Variants in SLC28A2 observed in about 807,000 individuals in gnomAD.
The protein encoded by SLC28A2 is solute carrier family 28 member 2.
In SLC28A2, 69 loss-of-function variants were observed where a neutral mutation model predicts 72.9. That is an observed-to-expected ratio of 0.95 (90% CI 0.78 to 1.16). SLC28A2 has a LOEUF of 1.16. Ranked by LOEUF, SLC28A2 falls within the 50% of genes most tolerant of loss-of-function variation. SLC28A2 has a pLI of 0.00. For synonymous variants in SLC28A2, 296 were observed against 294.1 expected (o/e 1.01, Z -0.07); for missense variants, 745 against 791.1 (o/e 0.94, Z 0.70).
In SLC28A2 at chr15:45,267,672, G is replaced by A. The variant is rs867414560; in HGVS notation, c.1075G>A (p.Ala359Thr). The change falls in exon 12 of 18, where the codon GCA becomes ACA. Residue 359 changes from alanine (A) to threonine (T), a missense_variant. Ala to Thr is a moderately conservative substitution (Grantham distance 58). Coordinates refer to ENST00000347644, the MANE Select transcript of SLC28A2 (RefSeq NM_004212.4). ...LGAFIAFGVD[A>T]SSLISASVMA... ...TAAGTCTGGCGCCTCACAGGTTGAT[G>A]CATCATCCCTGATTTCTGCCTCTGT... 6.2e-6 allele frequency: 10 copies of A among 1,613,984 alleles called. No homozygotes were observed. In the African/African-American group the frequency reaches 1.3e-4, roughly 22 times the overall value.
chr15:45,269,260 G>T, intron 13 of SLC28A2, 78 bp from the exon 14 acceptor site: 1 of 1,185,890 alleles, frequency 8.4e-7, no homozygotes, highest in East Asian at 2.3e-5. Context: ...TTGGGCCAAG[G>T]CTCCAGAGAA....
chr15:45,270,849 G>C (rs971913033), intron 15 of SLC28A2, among the ~76,000 whole-genome samples: 1 of 152,204 alleles, frequency 6.6e-6, no homozygotes, highest in Middle Eastern at 3.4e-3. Context: ...TGTTGGCCAA[G>C]CTGGTCTTGA....
chr15:45,261,793 G>T (rs1439621470), intron 3 of SLC28A2, among the ~76,000 whole-genome samples: 1 of 152,214 alleles, frequency 6.6e-6, no homozygotes, highest in Non-Finnish European at 1.5e-5. Flanking sequence ...GATATTGCTA[G>T]TTCGGGCTGA....
intron 9 of SLC28A2, 29 bp downstream of exon 9, chr15:45,265,692 G>A: frequency 1.4e-6 from 2 of 1,438,846 alleles, no homozygotes; most frequent in South Asian, 1.1e-5. Flanking sequence ...CCAGTCAGGA[G>A]ACAGGCCTTC....
At position 45,269,520 on chromosome 15, in the gene SLC28A2, G is replaced by GAA; in HGVS notation, c.1553_1554dup (p.Gln519AsnfsTer6). 6.2e-7 allele frequency: 1 copy of GAA among 1,613,838 alleles called. No homozygotes were observed. The highest frequency in any genetic ancestry group is 8.5e-7 in the Non-Finnish European group (1 of 1,179,734). On this transcript the variant is annotated frameshift_variant, in exon 14 of 18. Coordinates refer to ENST00000347644, the MANE Select transcript of SLC28A2 (RefSeq NM_004212.4). LOFTEE classifies it high-confidence loss of function. Reference sequence around the variant, plus strand: ...GAATGGAGGAGTGGATTGAGGGAGAGAAACAGTGGATTTCTGTAAGTGACA... The same window carrying GAA: ...GAATGGAGGAGTGGATTGAGGGAGAGAAAAACAGTGGATTTCTGTAAGTGACA...
intron 3 of SLC28A2, among the ~76,000 whole-genome samples, chr15:45,261,288 G>A (rs1182927646): frequency 2.0e-5 from 3 of 152,186 alleles, no homozygotes; most frequent in African/African-American, 7.2e-5. Flanking sequence ...TGAAGCCAGA[G>A]TGTATATTCT....
intron 4 of SLC28A2, among the ~76,000 whole-genome samples, chr15:45,262,605 G>C (rs1900196602): frequency 6.6e-6 from 1 of 152,186 alleles, no homozygotes; most frequent in South Asian, 2.1e-4. Flanking sequence ...ATGAGTAAGA[G>C]AGCCATGGGA....
chr15:45,263,933 A>G lies in SLC28A2; in HGVS notation c.499A>G (p.Thr167Ala). Residue 167 changes from threonine (T) to alanine (A), a missense_variant, in exon 6 of 18, where the codon ACA (threonine) becomes GCA (alanine). Thr to Ala is a moderately conservative substitution (Grantham distance 58, BLOSUM62 0). Coordinates refer to ENST00000347644, the MANE Select transcript of SLC28A2 (RefSeq NM_004212.4). ...CCTTATACTGTGGTTGGCTTTAGAC[A>G]CAGCCCAAAGGCCAGAGCAGCTGAT... Reference protein sequence around the residue: ...VGLILWLALDTAQRPEQLIPF... With the variant: ...VGLILWLALDAAQRPEQLIPF... The G allele has an allele frequency of 6.2e-7, 1 of 1,613,662 alleles. No homozygotes were observed. Among genetic ancestry groups the G allele is most frequent in the South Asian group, 1.1e-5 (1 of 90,896 alleles).
rs1044172813 is a variant in SLC28A2 at position 45,276,700 on chromosome 15, T to C, written c.*1187T>C. 165 of 152,180 alleles carry C rather than the reference T, an allele frequency of 1.1e-3. No homozygotes were observed. Among genetic ancestry groups the C allele is most frequent in the African/African-American group, 3.8e-3 (159 of 41,442 alleles). The allele number at this position is 152,180 out of a possible 1,614,324, so 9.4% of individuals were successfully genotyped here. ...TGGGACGGGGGAGAAGCTACATTTA[T>C]TGGCATTGTGGATGAGCTGGATTTA... On this transcript the variant is annotated 3_prime_UTR_variant, in exon 18 of 18. Transcript: ENST00000347644.
rs917533710 is a variant in SLC28A2, at chr15:45,277,334, A to G, written c.*1821A>G. 5 of 152,046 alleles carry G rather than the reference A, an allele frequency of 3.3e-5. No individual in the cohort carries two copies. Among genetic ancestry groups the G allele is most frequent in the Non-Finnish European group, 7.4e-5 (5 of 68,012 alleles). 9.4% of individuals were successfully genotyped at this position (152,046 alleles called of 1,614,324 possible). A position where few individuals can be genotyped will look rare whatever the true frequency, so the allele number is the denominator to read the frequency against. On this transcript the variant is annotated 3_prime_UTR_variant, in exon 18 of 18. Coordinates refer to ENST00000347644, the MANE Select transcript of SLC28A2 (RefSeq NM_004212.4). ...GCCCCACAATTCCACTCCTACATAC[A>G]CATTCAAAAGAATCAAAACTAAGTT...
chr15:45,257,671 G>A (rs919470525), intron 3 of SLC28A2, among the ~76,000 whole-genome samples: 2 of 152,094 alleles, frequency 1.3e-5, no homozygotes, highest in Non-Finnish European at 1.5e-5. Flanking sequence ...GGGGTGCTTT[G>A]TAGGGAGTAA....
At chr15:45,269,953 G>A (rs1900494101) in intron 14 of SLC28A2, among the ~76,000 whole-genome samples, 1 of 152,050 alleles carries the variant, frequency 6.6e-6, no homozygotes, top group African/African-American at 2.4e-5. Context: ...CTCATTCCCA[G>A]GCCTTCTCGT....
At chr15:45,265,410 T>C (rs578032911) in intron 8 of SLC28A2, among the ~76,000 whole-genome samples, 173 bp from the exon 9 acceptor site, 1 of 152,360 alleles carries the variant, frequency 6.6e-6, no homozygotes, top group African/African-American at 2.4e-5. Context: ...GGTTTAGTAC[T>C]GGTGGGACAA....
At chr15:45,272,832 C>A in intron 17 of SLC28A2, 48 bp downstream of exon 17, 2 of 972,392 alleles carry the variant, frequency 2.1e-6, no homozygotes, top group South Asian at 1.3e-5. Flanking sequence ...GCCCTCAGGT[C>A]TCCACGGTAA....
chr15:45,265,549 A>T, intron 8 of SLC28A2, 34 bp from the exon 9 acceptor site: 1 of 1,455,230 alleles, frequency 6.9e-7, no homozygotes, highest in Non-Finnish European at 9.7e-7. Context: ...TATGCAATGT[A>T]ACATCTCACC....
In SLC28A2 at chr15:45,265,644, T is replaced by G; in HGVS notation, c.842T>G (p.Val281Gly). ...TCCATTCTCTACTACCTGGGCCTTG[T>G]GCAATGGGTAGTTCAGAAGGTGAGT... is the stretch of plus-strand genomic sequence containing the variant. ...VVSILYYLGLVQWVVQKVAWF... is the reference protein window; with the variant it reads ...VVSILYYLGLGQWVVQKVAWF... The change falls in exon 9 of 18, where the codon GTG (valine) becomes GGG (glycine). Residue 281 changes from valine to glycine, a missense_variant. Transcript: ENST00000347644. 3.7e-6 allele frequency: 6 copies of G among 1,612,216 alleles called. No homozygotes were observed. The highest frequency in any genetic ancestry group is 4.2e-6 in the Non-Finnish European group (5 of 1,178,248).
At chr15:45,268,493 CA>C (rs1900420552) in intron 13 of SLC28A2, 115 bp downstream of exon 13, 1 of 865,180 alleles carries the variant, frequency 1.2e-6, no homozygotes, top group African/African-American at 1.7e-5. Context: ...GTTAGAATGG[CA>C]ATCATTAAAA....
At position 45,269,468 on chromosome 15, in the gene SLC28A2, C is replaced by G; in HGVS notation, c.1499C>G (p.Ser500Cys). 3 of 1,614,066 alleles carry G rather than the reference C, an allele frequency of 1.9e-6. No homozygotes were observed. The highest frequency in any genetic ancestry group is 2.5e-6 in the Non-Finnish European group (3 of 1,179,974). The part of the protein sequence containing the change: ...INEFVAYQQL[S>C]QYKNKRLSGM... Reference sequence around the variant, plus strand: ...GAGTTTGTGGCTTATCAGCAACTGTCTCAATACAAGAACAAACGTCTCTCT... The same window carrying G: ...GAGTTTGTGGCTTATCAGCAACTGTGTCAATACAAGAACAAACGTCTCTCT... Residue 500 changes from serine to cysteine, a missense_variant, in exon 14 of 18, where the codon TCT becomes TGT. By Grantham distance (112) the Ser-to-Cys change is moderately radical. Transcript: ENST00000347644.
At chr15:45,256,823 G>A (rs1406243229) in intron 3 of SLC28A2, among the ~76,000 whole-genome samples, 1 of 152,028 alleles carries the variant, frequency 6.6e-6, no homozygotes, top group East Asian at 1.9e-4. Flanking sequence ...CCCACCTCCT[G>A]CCAATCTATC....
Sources: allele counts gnomAD v4.1 joint callset (sites outside exome capture counted in the v4.1 genomes callset), GRCh38; gene constraint gnomAD v4.1.1; transcripts MANE v1.5; gene names NCBI Gene and HGNC (gene_info 2026-07-23, HGNC 2026-07-21).